Variants in SLC12A6 observed in about 807,000 individuals in gnomAD.
SLC12A6 encodes the protein solute carrier family 12 member 6.
A neutral mutation model predicts 135.3 loss-of-function variants in SLC12A6; 66 were observed. The observed-to-expected ratio is 0.49, with a 90% CI of 0.40 to 0.60. The LOEUF (loss-of-function observed/expected upper bound fraction) is 0.60. Ranked by LOEUF, SLC12A6 falls within the 20% of genes least tolerant of loss-of-function variation. The pLI, the probability that SLC12A6 is intolerant of heterozygous loss-of-function variation, is 0.00. For missense variants in SLC12A6, 1,058 were observed against 1,452.3 expected (o/e 0.73, Z 4.41); for synonymous variants, 513 against 508.8 (o/e 1.01, Z -0.11).
At chr15:34,286,467 A>C (rs1203219108) in intron 2 of SLC12A6, among the ~76,000 whole-genome samples, 1 of 152,102 alleles carries the variant, frequency 6.6e-6, no homozygotes, top group Non-Finnish European at 1.5e-5. Context: ...AATAGCATTC[A>C]TAAGTCTAAA....
At chr15:34,329,607 G>A (rs1385207479) in intron 2 of SLC12A6, among the ~76,000 whole-genome samples, 1 of 151,922 alleles carries the variant, frequency 6.6e-6, no homozygotes, top group Non-Finnish European at 1.5e-5. Context: ...AGAGACCACC[G>A]AAGATCAAAG....
intron 2 of SLC12A6, among the ~76,000 whole-genome samples, chr15:34,282,845 C>T (rs1049830137): frequency 6.6e-5 from 10 of 152,156 alleles, no homozygotes; most frequent in African/African-American, 2.4e-4. Context: ...ACCCTAATGA[C>T]TCAATTTTAT....
At chr15:34,292,787 A>G (rs575708088) in intron 2 of SLC12A6, among the ~76,000 whole-genome samples, 1 of 152,296 alleles carries the variant, frequency 6.6e-6, no homozygotes, top group East Asian at 1.9e-4. Context: ...GCTAGCAGCT[A>G]GCAAGGCTCC....
At chr15:34,288,796 G>A (rs1466812512) in intron 2 of SLC12A6, among the ~76,000 whole-genome samples, 1 of 152,120 alleles carries the variant, frequency 6.6e-6, no homozygotes, top group Non-Finnish European at 1.5e-5. Flanking sequence ...GTCTGTTACT[G>A]GTGTATAGGA....
chr15:34,263,372 C>T (rs1893284908), intron 3 of SLC12A6, among the ~76,000 whole-genome samples: 1 of 152,136 alleles, frequency 6.6e-6, no homozygotes, highest in South Asian at 2.1e-4. Flanking sequence ...GACTGATCCA[C>T]TGCACTCCAG....
At chr15:34,278,965 T>C (rs1475609755) in intron 2 of SLC12A6, among the ~76,000 whole-genome samples, 2 of 152,168 alleles carry the variant, frequency 1.3e-5, no homozygotes, top group African/African-American at 4.8e-5. Flanking sequence ...TTGATACTTA[T>C]TTAGTAATGT....
In SLC12A6 at chr15:34,238,259, T is replaced by C; in HGVS notation, c.2775A>G (p.Leu925=). The change falls in exon 21 of 26, where the codon CTA becomes CTG. Residue 925 remains leucine, a synonymous_variant. Transcript: ENST00000354181. ...WIVHDGGMLM[L]LPFLLKQHKV... is the part of the protein sequence containing the mutation. ...TGTGCTGTTTCAGTAGGAATGGTAG[T>C]AGCATAAGCATCCCCCCATCATGCA... 6.2e-7 allele frequency: 1 copy of C among 1,613,490 alleles called. No individual in the cohort carries two copies. Among genetic ancestry groups the C allele is most frequent in the Non-Finnish European group, 8.5e-7 (1 of 1,179,384 alleles).
intron 3 of SLC12A6, among the ~76,000 whole-genome samples, chr15:34,271,202 TTTG>T (rs1893909394): frequency 6.6e-6 from 1 of 152,210 alleles, no homozygotes; most frequent in Non-Finnish European, 1.5e-5. Context: ...TTTCTTTTAA[TTTG>T]TTAACATAGT....
intron 7 of SLC12A6, among the ~76,000 whole-genome samples, chr15:34,255,846 C>T (rs376190038): frequency 6.6e-6 from 1 of 151,668 alleles, no homozygotes; most frequent in Non-Finnish European, 1.5e-5. Flanking sequence ...GTGTACACCT[C>T]TAGTTCCAGC....
chr15:34,323,211 T>G (rs960413661), intron 2 of SLC12A6, among the ~76,000 whole-genome samples: 1 of 152,010 alleles, frequency 6.6e-6, no homozygotes, highest in African/African-American at 2.4e-5. Context: ...GCAAAAGATT[T>G]AAACAACTGA....
At chr15:34,328,852 C>A (rs1433908325) in intron 2 of SLC12A6, among the ~76,000 whole-genome samples, 1 of 152,132 alleles carries the variant, frequency 6.6e-6, no homozygotes, top group African/African-American at 2.4e-5. Flanking sequence ...CTCTGAATAG[C>A]CACTGCCTAC....
intron 2 of SLC12A6, among the ~76,000 whole-genome samples, chr15:34,291,353 T>C (rs1895514288): frequency 6.6e-6 from 1 of 152,240 alleles, no homozygotes; most frequent in South Asian, 2.1e-4. Flanking sequence ...AGAGATGCAC[T>C]GTTAGTCTGA....
At chr15:34,253,302 C>T (rs756502365) in intron 9 of SLC12A6, among the ~76,000 whole-genome samples, 4 of 152,158 alleles carry the variant, frequency 2.6e-5, no homozygotes, top group Non-Finnish European at 5.9e-5. Context: ...AAATACCATG[C>T]ATTATGACCG....
rs142507669 is a variant in SLC12A6, at chr15:34,299,712, A to G, written c.272-24323T>C. 1.6e-4 allele frequency: 24 copies of G among 152,352 alleles called. 1 individual carries two copies. Among genetic ancestry groups the G allele is most frequent in the Admixed American group, 3.9e-4 (6 of 15,310 alleles). 9.4% of individuals were successfully genotyped at this position (152,352 alleles called of 1,614,324 possible). A position where few individuals can be genotyped will look rare whatever the true frequency, so the allele number is the denominator to read the frequency against. ...TGTGTTAAAGCAACAGAGACATTCA[A>G]GAACATTCATTATATCTGGTGTGCA... On this transcript the variant is annotated intron_variant, in intron 2 of 25. Transcript: ENST00000354181.
chr15:34,313,218 G>C, intron 2 of SLC12A6, among the ~76,000 whole-genome samples: 1 of 151,532 alleles, frequency 6.6e-6, no homozygotes, highest in Non-Finnish European at 1.5e-5. Flanking sequence ...TTGCACTAAA[G>C]AGCAAGTTGT....
chr15:34,301,593 T>C (rs759783523), intron 2 of SLC12A6, among the ~76,000 whole-genome samples: 10 of 152,202 alleles, frequency 6.6e-5, no homozygotes, highest in Non-Finnish European at 1.2e-4. Context: ...GGGCCAAACA[T>C]GCCTATGGAG....
In SLC12A6 at chr15:34,261,024, G is replaced by GA. The variant is rs747243268; in HGVS notation, c.317-5dup. ...CGAGCTTTCTTATGTCCGTCGTCTG[G>GA]AAAAAAAAAAGTAGACCAAGTTAGT... On this transcript the variant is annotated splice_region_variant and splice_polypyrimidine_tract_variant and intron_variant, in intron 3 of 25. Transcript: ENST00000354181. 26,803 of 1,189,282 alleles carry GA rather than the reference G, an allele frequency of 0.023. No individual in the cohort carries two copies. The highest frequency in any genetic ancestry group is 0.026 in the Non-Finnish European group (22,193 of 865,924). The allele number at this position is 1,189,282 out of a possible 1,614,324, so 73.7% of individuals were successfully genotyped here. A position where few individuals can be genotyped will look rare whatever the true frequency, so the allele number is the denominator to read the frequency against.
Position 34,307,629 on chromosome 15 carries a change from T to C in SLC12A6, c.271+28781A>G, listed in dbSNP as rs79209134. 1.0e-3 allele frequency among the ~76,000 whole-genome samples: 158 copies of C among 152,316 alleles called. 2 individuals carry two copies. Among genetic ancestry groups the C allele is most frequent in the African/African-American group, 3.8e-3 (157 of 41,578 alleles). On this transcript the variant is annotated intron_variant, in intron 2 of 25. Coordinates refer to ENST00000354181, the MANE Select transcript of SLC12A6 (RefSeq NM_001365088.1). ...TCCACCCATTAATACCAATTAATGA[T>C]ATAATCAAAGTTGGAGTAGAAGATT...
Position 34,229,949 on chromosome 15 carries a change from T to C in SLC12A6, c.*3932A>G, listed in dbSNP as rs757433957. The C allele has an allele frequency of 1.6e-5, 11 of 693,984 alleles. No individual in the cohort carries two copies. Among genetic ancestry groups the C allele is most frequent in the South Asian group, 9.6e-5 (6 of 62,200 alleles). The allele number at this position is 693,984 out of a possible 1,614,324, so 43.0% of individuals were successfully genotyped here. The stretch of plus-strand genomic sequence containing the variant: ...GGGGTGACAGGTCCTAGAAGGACAA[T>C]GTGCATATTACGACAAACACAAAGA... On this transcript the variant is annotated 3_prime_UTR_variant, in exon 26 of 26. Transcript: ENST00000354181.
Sources: allele counts gnomAD v4.1 joint callset (sites outside exome capture counted in the v4.1 genomes callset), GRCh38; gene constraint gnomAD v4.1.1; transcripts MANE v1.5; gene names NCBI Gene and HGNC (gene_info 2026-07-23, HGNC 2026-07-21).